WDR7: variants seen among roughly 807,000 people sequenced by gnomAD.
WDR7 encodes the protein WD repeat domain 7, also known as WD repeat-containing protein 7.
WDR7 carries 46 observed loss-of-function variants against 169.4 expected under a neutral mutation model. The observed-to-expected ratio is 0.27, with a 90% confidence interval of 0.21 to 0.35. The LOEUF (loss-of-function observed/expected upper bound fraction) is 0.35. Ranked by LOEUF, WDR7 falls within the 10% of genes least tolerant of loss-of-function variation. WDR7 has a pLI of 1.00. For synonymous variants in WDR7, 612 were observed against 666.8 expected (o/e 0.92, Z 1.27); for missense variants, 1,534 against 1,859.3 (o/e 0.83, Z 3.22).
In WDR7 at chr18:56,696,323, A is replaced by T; in HGVS notation, c.1439A>T (p.Tyr480Phe). The change falls in exon 12 of 28, where the codon TAT becomes TTT. Residue 480 changes from tyrosine (Y) to phenylalanine (F), a missense_variant. Tyr to Phe is a conservative substitution (Grantham distance 22). Coordinates refer to ENST00000254442, the MANE Select transcript of WDR7 (RefSeq NM_015285.3). Reference sequence around the variant, plus strand: ...TATCCTCATCAGGTCTCAGCTCGGTATGATCAAAGATACCTGATATCTGGA... The same window carrying T: ...TATCCTCATCAGGTCTCAGCTCGGTTTGATCAAAGATACCTGATATCTGGA... ...LLYPHQVSARYDQRYLISGGV... is the reference protein window; with the variant it reads ...LLYPHQVSARFDQRYLISGGV... The T allele has an allele frequency of 6.2e-7, 1 of 1,614,180 alleles. No individual in the cohort carries two copies.
At position 56,756,897 on chromosome 18, in the gene WDR7, A is replaced by G. The variant is rs2043900147; in HGVS notation, c.2304A>G (p.Ile768Met). The change falls in exon 15 of 28, where the codon ATA becomes ATG. Residue 768 changes from isoleucine (I) to methionine (M), a missense_variant. Transcript: ENST00000254442. ...ATGATGAAGAGGAGGATGAGGAGAT[A>G]ATGAGGCAGAGAAGGGAAGAAAGTG... ...LLDDEEEDEE[I>M]MRQRREESDP... 1.2e-6 allele frequency: 2 copies of G among 1,614,116 alleles called. No homozygotes were observed. The highest frequency in any genetic ancestry group is 1.1e-5 in the South Asian group (1 of 91,076).
chr18:56,939,364 T>C lies in WDR7; in HGVS notation c.4035T>C (p.Gly1345=), dbSNP rs146537675. The C allele has an allele frequency of 3.1e-3, 4,957 of 1,577,868 alleles. 9 individuals are homozygous for C. Among genetic ancestry groups the C allele is most frequent in the Non-Finnish European group, 3.7e-3 (4,292 of 1,160,140 alleles). Residue 1345 remains glycine, a synonymous_variant, in exon 25 of 28, where the codon GGT becomes GGC. Coordinates refer to ENST00000254442, the MANE Select transcript of WDR7 (RefSeq NM_015285.3). ...CLEGSLVKKK[G]LQECFPAICR... ...AAGGATCTTTAGTTAAAAAGAAAGG[T>C]CTTCAAGAATGTTTCCCAGCCATCT...
intron 12 of WDR7, among the ~76,000 whole-genome samples, chr18:56,715,018 T>G (rs1490062623): frequency 6.6e-6 from 1 of 152,208 alleles, no homozygotes; most frequent in African/African-American, 2.4e-5. Flanking sequence ...TTAAGTCTTA[T>G]GAAGATAGAT....
intron 3 of WDR7, 74 bp downstream of exon 3, chr18:56,679,512 G>T: frequency 3.4e-6 from 3 of 879,040 alleles, no homozygotes; most frequent in African/African-American, 2.4e-5. Flanking sequence ...AAGTAGCGAG[G>T]TATTTTTTTT....
At chr18:56,664,451 A>G (rs758973797) in intron 1 of WDR7, among the ~76,000 whole-genome samples, 4 of 152,212 alleles carry the variant, frequency 2.6e-5, no homozygotes, top group Non-Finnish European at 5.9e-5. Context: ...AACTTATAAA[A>G]TAGATTGAAA....
At chr18:56,781,988 A>G (rs1034255571) in intron 19 of WDR7, 2 of 163,652 alleles carry the variant, frequency 1.2e-5, no homozygotes, top group Admixed American at 1.3e-4. Flanking sequence ...CTTGTTCGAT[A>G]TGGATCTGAT....
At chr18:56,683,632 C>T (rs1306527437) in intron 5 of WDR7, among the ~76,000 whole-genome samples, 1 of 152,164 alleles carries the variant, frequency 6.6e-6, no homozygotes, top group Non-Finnish European at 1.5e-5. Flanking sequence ...GATCAATTCT[C>T]ACAATACTTA....
At chr18:56,711,874 G>A (rs534120549) in intron 12 of WDR7, among the ~76,000 whole-genome samples, 1 of 152,202 alleles carries the variant, frequency 6.6e-6, no homozygotes, top group East Asian at 1.9e-4. Flanking sequence ...CATAGCAAGA[G>A]TTCTGGGAAG....
intron 26 of WDR7, among the ~76,000 whole-genome samples, chr18:57,001,694 T>G (rs2047982602): frequency 6.6e-6 from 1 of 152,196 alleles, no homozygotes. Flanking sequence ...TCTGCCCCTT[T>G]GCAGTCAGTC....
At chr18:56,792,788 A>G (rs2044514289) in intron 19 of WDR7, among the ~76,000 whole-genome samples, 1 of 151,650 alleles carries the variant, frequency 6.6e-6, no homozygotes, top group Non-Finnish European at 1.5e-5. Context: ...ACACACACAC[A>G]CACAGACACA....
At position 56,718,603 on chromosome 18, in the gene WDR7, G is replaced by A. The variant is rs2026246708; in HGVS notation, c.1774+444G>A. ...TTCTAGAGAGAACATTTAAAATTTC[G>A]AGTTTCAGAAAGTTTATGTATTGGG... On this transcript the variant is annotated intron_variant, in intron 13 of 27. Transcript: ENST00000254442. 2.6e-5 allele frequency among the ~76,000 whole-genome samples: 4 copies of A among 152,114 alleles called. No homozygotes were observed. In the South Asian group the frequency reaches 8.3e-4, roughly 31 times the overall value.
chr18:56,781,581 G>GAGC lies in WDR7; in HGVS notation c.3118_3120dup (p.Gln1040dup). On this transcript the variant is annotated inframe_insertion, in exon 19 of 28. Coordinates refer to ENST00000254442, the MANE Select transcript of WDR7 (RefSeq NM_015285.3). ...GCTTCTGGCGGAACTGAGAAGAATT[G>GAGC]AGCAGGCAGGCAGGAAGGAAGCCAT... 1 of 1,612,660 alleles carries GAGC rather than the reference G, an allele frequency of 6.2e-7. No homozygotes were observed. Among genetic ancestry groups the GAGC allele is most frequent in the Non-Finnish European group, 8.5e-7 (1 of 1,179,294 alleles).
chr18:56,870,895 G>A (rs1419263850), intron 20 of WDR7, among the ~76,000 whole-genome samples: 1 of 152,174 alleles, frequency 6.6e-6, no homozygotes, highest in Non-Finnish European at 1.5e-5. Flanking sequence ...AATATATTTT[G>A]ATTGGACACA....
At chr18:57,024,998 G>T (rs1419877815) in intron 27 of WDR7, among the ~76,000 whole-genome samples, 1 of 152,144 alleles carries the variant, frequency 6.6e-6, no homozygotes, top group Non-Finnish European at 1.5e-5. Context: ...AGTAGGGATG[G>T]CTCAGGTTAT....
chr18:56,914,329 A>G (rs897722695), intron 21 of WDR7, among the ~76,000 whole-genome samples: 1 of 152,170 alleles, frequency 6.6e-6, no homozygotes, highest in African/African-American at 2.4e-5. Context: ...CACAGCACTT[A>G]GTGCCACTTG....
intron 20 of WDR7, among the ~76,000 whole-genome samples, chr18:56,852,725 CAT>C (rs765008963): frequency 5.3e-5 from 8 of 152,058 alleles, no homozygotes; most frequent in African/African-American, 1.9e-4. Context: ...CAAGCACATA[CAT>C]ATATATACAT....
chr18:56,693,098 C>A (rs774958770), intron 9 of WDR7, among the ~76,000 whole-genome samples: 1 of 152,092 alleles, frequency 6.6e-6, no homozygotes, highest in African/African-American at 2.4e-5. Flanking sequence ...TAAAGTCAAA[C>A]GATTGGTTAT....
At chr18:56,965,130 A>G (rs1414924502) in intron 26 of WDR7, among the ~76,000 whole-genome samples, 1 of 152,158 alleles carries the variant, frequency 6.6e-6, no homozygotes, top group Non-Finnish European at 1.5e-5. Flanking sequence ...AATTTTTTTT[A>G]GTATGAACAA....
At chr18:56,914,580 C>T (rs2046599462) in intron 21 of WDR7, among the ~76,000 whole-genome samples, 1 of 152,174 alleles carries the variant, frequency 6.6e-6, no homozygotes, top group Non-Finnish European at 1.5e-5. Flanking sequence ...ATTCAATAGT[C>T]CTCCCGCTTT....
Sources: gnomAD v4.1 joint callset for allele counts (sites outside exome capture counted in the v4.1 genomes callset) on GRCh38, gnomAD v4.1.1 for gene constraint, MANE v1.5 for transcripts, NCBI Gene and HGNC (gene_info 2026-07-23, HGNC 2026-07-21) for gene names.